Variants in SLC16A7 observed in about 807,000 individuals in gnomAD.
SLC16A7 encodes the protein solute carrier family 16 member 7.
SLC16A7 carries 33 observed loss-of-function variants against 34.9 expected under a neutral mutation model. That is an observed-to-expected ratio of 0.94 (90% CI 0.72 to 1.26). The LOEUF (loss-of-function observed/expected upper bound fraction) is 1.26, where lower values mean the gene tolerates loss of function less well. Ranked by LOEUF, SLC16A7 falls within the 50% of genes most tolerant of loss-of-function variation. The pLI is 0.00. For missense variants in SLC16A7, 573 were observed against 578.1 expected, an observed-to-expected ratio of 0.99 and a Z score of 0.09; for synonymous variants, 201 against 206.6, an observed-to-expected ratio of 0.97 and a Z score of 0.23.
intron 2 of SLC16A7, among the ~76,000 whole-genome samples, chr12:59,684,384 A>G (rs1426410736): frequency 6.6e-6 from 1 of 152,224 alleles, no homozygotes; most frequent in Non-Finnish European, 1.5e-5. Context: ...GTTTTCTGAT[A>G]GAAGGTAGAA....
intron 1 of SLC16A7, among the ~76,000 whole-genome samples, chr12:59,640,047 G>C (rs888511689): frequency 6.6e-6 from 1 of 152,112 alleles, no homozygotes; most frequent in African/African-American, 2.4e-5. Context: ...TATTATAAAG[G>C]ATATAACTCA....
At chr12:59,698,149 A>C (rs1207125312) in intron 2 of SLC16A7, among the ~76,000 whole-genome samples, 1 of 151,796 alleles carries the variant, frequency 6.6e-6, no homozygotes, top group Non-Finnish European at 1.5e-5. Flanking sequence ...TAAGAAAAGT[A>C]CTTATTACAA....
At chr12:59,759,513 C>T (rs1880777454) in intron 3 of SLC16A7, among the ~76,000 whole-genome samples, 1 of 151,914 alleles carries the variant, frequency 6.6e-6, no homozygotes, top group African/African-American at 2.4e-5. Context: ...CTTTAGAATA[C>T]AGTTTTTTAT....
intron 1 of SLC16A7, among the ~76,000 whole-genome samples, chr12:59,649,739 AGGAGT>A (rs1217839742): frequency 6.6e-6 from 1 of 152,160 alleles, no homozygotes; most frequent in East Asian, 1.9e-4. Flanking sequence ...ACCTGAGGTG[AGGAGT>A]TCAAGACCAG....
At chr12:59,704,724 CA>C in intron 2 of SLC16A7, 47 bp from the exon 3 acceptor site, 1 of 987,130 alleles carries the variant, frequency 1.0e-6, no homozygotes, top group Non-Finnish European at 1.5e-6. Context: ...GAGTGGTAAA[CA>C]AAAGGGGAAA....
chr12:59,701,635 A>G (rs1872894888), intron 2 of SLC16A7, among the ~76,000 whole-genome samples: 1 of 151,772 alleles, frequency 6.6e-6, no homozygotes, highest in Non-Finnish European at 1.5e-5. Flanking sequence ...TAGAATTTAT[A>G]CTAGTGTTGA....
At position 59,619,796 on chromosome 12, in the gene SLC16A7, A is replaced by G. The variant is rs147653635; in HGVS notation, c.-130+23560A>G. Among the ~76,000 whole-genome samples, 35 of 152,154 alleles carry G rather than the reference A, an allele frequency of 2.3e-4. No individual in the cohort carries two copies. In the East Asian group the frequency reaches 4.6e-3, roughly 20 times the overall value. On this transcript the variant is annotated intron_variant, in intron 1 of 5. Coordinates refer to ENST00000547379, the MANE Select transcript of SLC16A7 (RefSeq NM_001270623.2). ...ATGGGACATATGTTCTAAATAAGCAATTATAATAATGATTTACATTGATTA... is the reference window on the plus strand; with the variant it reads ...ATGGGACATATGTTCTAAATAAGCAGTTATAATAATGATTTACATTGATTA...
At chr12:59,687,221 T>TG in intron 2 of SLC16A7, among the ~76,000 whole-genome samples, 1 of 151,652 alleles carries the variant, frequency 6.6e-6, no homozygotes, top group East Asian at 2.0e-4. Context: ...AAGTGGGGGG[T>TG]GGGGGCAGAA....
chr12:59,737,573 G>A (rs943755105), intron 3 of SLC16A7, among the ~76,000 whole-genome samples: 16 of 152,200 alleles, frequency 1.1e-4, no homozygotes, highest in African/African-American at 3.1e-4. Flanking sequence ...AAAGGGAGCT[G>A]ACTTCCTGAG....
chr12:59,751,344 T>C (rs1467561644), intron 3 of SLC16A7, among the ~76,000 whole-genome samples: 1 of 152,182 alleles, frequency 6.6e-6, no homozygotes, highest in Non-Finnish European at 1.5e-5. Context: ...GAGTTCCCTT[T>C]CCTAGTCAAA....
At chr12:59,608,143 T>C (rs1879030490) in intron 1 of SLC16A7, among the ~76,000 whole-genome samples, 1 of 152,228 alleles carries the variant, frequency 6.6e-6, no homozygotes, top group African/African-American at 2.4e-5. Context: ...GCATCCTCTC[T>C]CTGTTTCTTT....
intron 3 of SLC16A7, among the ~76,000 whole-genome samples, chr12:59,712,383 G>A (rs12227244): frequency 6.6e-6 from 1 of 152,008 alleles, no homozygotes; most frequent in East Asian, 1.9e-4. Flanking sequence ...TTTCTCTTGT[G>A]CCTCCTATGA....
chr12:59,732,792 G>A (rs2711678), intron 3 of SLC16A7, among the ~76,000 whole-genome samples: 18,666 of 152,160 alleles, frequency 0.12, 1,499 homozygotes, highest in African/African-American at 0.22. Flanking sequence ...CTTGAGCTAG[G>A]TATAGCTAGA....
In SLC16A7 at chr12:59,730,901, C is replaced by T. The variant is rs547183681; in HGVS notation, c.217+25883C>T. ...TGATTATGTATAGCAGTGTTTATCC[C>T]GAGACCCATCAAGATCTTTGCACTA... On this transcript the variant is annotated intron_variant, in intron 3 of 5. Transcript: ENST00000547379. Among the ~76,000 whole-genome samples, 12 of 152,170 alleles carry T rather than the reference C, an allele frequency of 7.9e-5. No homozygotes were observed. The South Asian group carries it at 1.0e-3, about 13-fold the overall frequency.
chr12:59,744,838 A>G (rs1458537670), intron 3 of SLC16A7, among the ~76,000 whole-genome samples: 1 of 152,106 alleles, frequency 6.6e-6, no homozygotes, highest in Non-Finnish European at 1.5e-5. Context: ...CAACTCCTGT[A>G]CCCACTCATC....
intron 1 of SLC16A7, among the ~76,000 whole-genome samples, chr12:59,617,700 T>C (rs1382659751): frequency 1.3e-5 from 2 of 151,936 alleles, no homozygotes; most frequent in African/African-American, 4.8e-5. Flanking sequence ...AATAGCAAAA[T>C]AATAACTGAA....
rs891834546 is a variant in SLC16A7, at chr12:59,731,427, C to T, written c.217+26409C>T. ...GGTTAAATGGTGAAAGATCACAGGA[C>T]TAGTTCCTAGGAAAGCAAGCCTGGT... On this transcript the variant is annotated intron_variant, in intron 3 of 5. Coordinates refer to ENST00000547379, the MANE Select transcript of SLC16A7 (RefSeq NM_001270623.2). Among the ~76,000 whole-genome samples, 7 of 152,292 alleles carry T rather than the reference C, an allele frequency of 4.6e-5. No individual in the cohort carries two copies. In the South Asian group the frequency reaches 1.4e-3, roughly 32 times the overall value.
chr12:59,716,123 A>G (rs894955554), intron 3 of SLC16A7, among the ~76,000 whole-genome samples: 2 of 152,198 alleles, frequency 1.3e-5, no homozygotes, highest in Admixed American at 6.5e-5. Context: ...AAACTGATGA[A>G]CAACTGAAGA....
intron 1 of SLC16A7, among the ~76,000 whole-genome samples, chr12:59,633,671 T>C (rs1451813589): frequency 6.6e-6 from 1 of 151,562 alleles, no homozygotes; most frequent in East Asian, 1.9e-4. Flanking sequence ...TTTAATTGAC[T>C]CACAGTTTTG....
Sources: gnomAD v4.1 joint callset for allele counts (sites outside exome capture counted in the v4.1 genomes callset) on GRCh38, gnomAD v4.1.1 for gene constraint, MANE v1.5 for transcripts, NCBI Gene and HGNC (gene_info 2026-07-23, HGNC 2026-07-21) for gene names.